The following SNTG1 variants were observed in gnomAD, a reference collection of about 807,000 sequenced individuals.
SNTG1 encodes gamma-1-syntrophin.
Under a neutral mutation model 74.7 loss-of-function variants are expected in SNTG1, and 39 were observed. The observed-to-expected ratio is 0.52, with a 90% CI of 0.40 to 0.68. The LOEUF is 0.68. SNTG1 is among the 30% of genes least tolerant of loss of function. The pLI is 0.00. For synonymous variants in SNTG1, 254 were observed against 217.1 expected (o/e 1.17, Z -1.49); for missense variants, 685 against 609.5 (o/e 1.12, Z -1.30).
intron 1 of SNTG1, among the ~76,000 whole-genome samples, chr8:50,115,112 A>G (rs1208914421): frequency 6.6e-6 from 1 of 152,176 alleles, no homozygotes; most frequent in East Asian, 1.9e-4. Context: ...AATTGGAAAT[A>G]TATTGGGTTT....
chr8:50,002,441 A>G (rs146503649), intron 1 of SNTG1, among the ~76,000 whole-genome samples: 13 of 152,090 alleles, frequency 8.5e-5, no homozygotes, highest in Non-Finnish European at 1.9e-4. Context: ...TGGTTTATAT[A>G]TTTTCAGTAA....
At chr8:50,318,908 AC>A (rs2090418636) in intron 2 of SNTG1, among the ~76,000 whole-genome samples, 1 of 151,852 alleles carries the variant, frequency 6.6e-6, no homozygotes, top group South Asian at 2.1e-4. Flanking sequence ...TATAATTCTT[AC>A]GTTTTATCAA....
At chr8:50,296,733 A>G (rs2089395468) in intron 2 of SNTG1, among the ~76,000 whole-genome samples, 1 of 152,190 alleles carries the variant, frequency 6.6e-6, no homozygotes, top group South Asian at 2.1e-4. Context: ...AACCTATGTA[A>G]CAAACCTGAA....
intron 17 of SNTG1, among the ~76,000 whole-genome samples, chr8:50,728,305 C>G (rs73678642): frequency 1.3e-5 from 2 of 152,208 alleles, no homozygotes; most frequent in East Asian, 3.9e-4. Flanking sequence ...GGTGATGCAG[C>G]GCCGAGGGCA....
intron 2 of SNTG1, among the ~76,000 whole-genome samples, chr8:50,319,365 A>AAAT (rs2090441498): frequency 6.6e-6 from 1 of 150,772 alleles, no homozygotes; most frequent in South Asian, 2.1e-4. Flanking sequence ...CTCCTTCTCA[A>AAAT]AAATAAATAA....
intron 1 of SNTG1, among the ~76,000 whole-genome samples, chr8:50,141,371 TG>T (rs2081651301): frequency 6.6e-6 from 1 of 152,218 alleles, no homozygotes; most frequent in Non-Finnish European, 1.5e-5. Flanking sequence ...GTTTCACTTT[TG>T]TTTTTAATTT....
intron 1 of SNTG1, among the ~76,000 whole-genome samples, chr8:49,983,004 G>T (rs1812825587): frequency 6.6e-6 from 1 of 152,262 alleles, no homozygotes; most frequent in South Asian, 2.1e-4. Context: ...AGGCTACAGT[G>T]CTTGTCTAAA....
At chr8:50,786,200 CA>C (rs1167249288) in intron 18 of SNTG1, among the ~76,000 whole-genome samples, 1 of 151,720 alleles carries the variant, frequency 6.6e-6, no homozygotes, top group Non-Finnish European at 1.5e-5. Flanking sequence ...TCCCAATGCA[CA>C]AAAATCAGCT....
intron 13 of SNTG1, among the ~76,000 whole-genome samples, chr8:50,629,443 G>C (rs189539221): frequency 6.6e-6 from 1 of 152,012 alleles, no homozygotes; most frequent in Admixed American, 6.6e-5. Flanking sequence ...ACTCAATTTA[G>C]ATATTAGGAT....
At chr8:50,510,450 C>T (rs923032635) in intron 9 of SNTG1, among the ~76,000 whole-genome samples, 5 of 152,232 alleles carry the variant, frequency 3.3e-5, no homozygotes, top group Admixed American at 2.0e-4. Flanking sequence ...AGGGAGGATT[C>T]CCTCTTTTTC....
chr8:50,055,871 T>C (rs1167143138), intron 1 of SNTG1, among the ~76,000 whole-genome samples: 1 of 152,166 alleles, frequency 6.6e-6, no homozygotes, highest in African/African-American at 2.4e-5. Flanking sequence ...AATTGTTTGA[T>C]AGACTTAATA....
At chr8:49,991,462 A>C (rs190028501) in intron 1 of SNTG1, among the ~76,000 whole-genome samples, 2 of 152,210 alleles carry the variant, frequency 1.3e-5, no homozygotes, top group East Asian at 3.8e-4. Context: ...AAATGATAAC[A>C]TAACATTTAT....
chr8:50,317,898 G>T (rs1258107284), intron 2 of SNTG1, among the ~76,000 whole-genome samples: 1 of 151,986 alleles, frequency 6.6e-6, no homozygotes, highest in African/African-American at 2.4e-5. Flanking sequence ...GTGCAGTGGC[G>T]CAATCTCTGC....
chr8:49,995,903 G>A (rs2130376934), intron 1 of SNTG1, among the ~76,000 whole-genome samples: 1 of 152,240 alleles, frequency 6.6e-6, no homozygotes, highest in Non-Finnish European at 1.5e-5. Flanking sequence ...CTCATTTGAT[G>A]CCTATGCATC....
Position 50,783,796 on chromosome 8 carries a change from C to T in SNTG1, c.1396-8875C>T, listed in dbSNP as rs139436755. Among the ~76,000 whole-genome samples, 400 of 152,290 alleles carry T rather than the reference C, an allele frequency of 2.6e-3. 2 individuals are homozygous for T. The highest frequency in any genetic ancestry group is 9.1e-3 in the African/African-American group (377 of 41,572). On this transcript the variant is annotated intron_variant, in intron 18 of 18. Transcript: ENST00000642720. ...AATCACTGGTCTTCTGCGTCGCTCA[C>T]GCTGGGAGCTGTAGACTGGAGCTGT...
Position 50,381,144 on chromosome 8 carries a change from T to C in SNTG1, c.-27-13068T>C, listed in dbSNP as rs1425126226. On this transcript the variant is annotated intron_variant, in intron 2 of 18. Coordinates refer to ENST00000642720, the MANE Select transcript of SNTG1 (RefSeq NM_018967.5). ...GATGATTTCATCACATTATATGCAT[T>C]GCAGTTCTCATCTCCATATTTTAGG... is the stretch of plus-strand genomic sequence containing the variant. 3 of 152,330 alleles carry C rather than the reference T, an allele frequency of 2.0e-5. No homozygotes were observed. The South Asian group carries it at 6.2e-4, about 32-fold the overall frequency. 9.4% of individuals were successfully genotyped at this position (152,330 alleles called of 1,614,324 possible).
intron 17 of SNTG1, among the ~76,000 whole-genome samples, chr8:50,710,552 T>A (rs1349149881): frequency 6.6e-6 from 1 of 152,182 alleles, no homozygotes; most frequent in Admixed American, 6.5e-5. Context: ...CACGAATGTA[T>A]AAGAATCTTA....
chr8:50,379,730 A>G (rs936509198), intron 2 of SNTG1, among the ~76,000 whole-genome samples: 6 of 152,236 alleles, frequency 3.9e-5, no homozygotes, highest in African/African-American at 1.4e-4. Flanking sequence ...AAACTCTCTT[A>G]AAAGGACTCT....
chr8:50,750,806 T>C (rs1159851645), intron 17 of SNTG1, among the ~76,000 whole-genome samples: 1 of 152,044 alleles, frequency 6.6e-6, no homozygotes, highest in Admixed American at 6.6e-5. Flanking sequence ...TTATATGCAT[T>C]GGGGAACCAA....
Sources: allele counts gnomAD v4.1 joint callset (sites outside exome capture counted in the v4.1 genomes callset), GRCh38; gene constraint gnomAD v4.1.1; transcripts MANE v1.5; gene names NCBI Gene and HGNC (gene_info 2026-07-23, HGNC 2026-07-21).